The following PCP4 variants were observed in gnomAD, a reference collection of about 807,000 sequenced individuals.
PCP4 encodes Purkinje cell protein 4.
A neutral mutation model predicts 10.0 loss-of-function variants in PCP4; 8 were observed. The observed-to-expected ratio is 0.80, with a 90% CI of 0.47 to 1.45. PCP4 has a LOEUF of 1.45. Ranked by LOEUF, PCP4 falls within the 40% of genes most tolerant of loss-of-function variation. The pLI, the probability that PCP4 is intolerant of heterozygous loss-of-function variation, is 0.00. For synonymous variants in PCP4, 21 were observed against 23.0 expected (o/e 0.91, Z 0.24); for missense variants, 54 against 74.4 (o/e 0.73, Z 1.01).
chr21:39,881,575 C>T (rs1025954116), intron 1 of PCP4, among the ~76,000 whole-genome samples: 6 of 152,156 alleles, frequency 3.9e-5, no homozygotes, highest in African/African-American at 1.2e-4. Context: ...ACAGCGGACA[C>T]GGGACTCTGA....
intron 1 of PCP4, among the ~76,000 whole-genome samples, chr21:39,880,449 G>T (rs1035700265): frequency 2.0e-5 from 3 of 152,030 alleles, no homozygotes; most frequent in Admixed American, 6.5e-5. Flanking sequence ...GTACATCTGT[G>T]TGTGCGTGTG....
At chr21:39,905,399 A>C (rs1039483281) in intron 2 of PCP4, among the ~76,000 whole-genome samples, 3 of 152,248 alleles carry the variant, frequency 2.0e-5, no homozygotes, top group African/African-American at 4.8e-5. Flanking sequence ...AGATGGGGAA[A>C]AAATGACATT....
chr21:39,898,272 G>A (rs2087466904), intron 1 of PCP4: 2 of 622,278 alleles, frequency 3.2e-6, no homozygotes, highest in African/African-American at 3.7e-5. Context: ...GGATGTGGAT[G>A]AGGGGGCCGG....
intron 1 of PCP4, among the ~76,000 whole-genome samples, chr21:39,872,221 ACTC>A (rs1269622999): frequency 6.6e-6 from 1 of 152,070 alleles, no homozygotes; most frequent in Admixed American, 6.5e-5. Context: ...CTGGTCTCGA[ACTC>A]CTGACCTCAG....
chr21:39,927,373 T>TATCTATCTATCTATC (rs2087630045), intron 2 of PCP4, among the ~76,000 whole-genome samples: 1 of 11,372 alleles, frequency 8.8e-5, no homozygotes, highest in Non-Finnish European at 2.3e-4. Flanking sequence ...ATCTATCATC[T>TATCTATCTATCTATC]ATCTATCTAT....
chr21:39,911,532 C>T (rs2087539982), intron 2 of PCP4, among the ~76,000 whole-genome samples: 1 of 152,178 alleles, frequency 6.6e-6, no homozygotes, highest in African/African-American at 2.4e-5. Flanking sequence ...TGACTGCGAT[C>T]TTTCAGGCAG....
At chr21:39,901,192 G>A (rs1210795085) in intron 2 of PCP4, among the ~76,000 whole-genome samples, 2 of 152,162 alleles carry the variant, frequency 1.3e-5, no homozygotes, top group East Asian at 3.9e-4. Context: ...AGATTTAAAA[G>A]AGCAAATAAT....
chr21:39,920,451 G>A (rs1235247824), intron 2 of PCP4, among the ~76,000 whole-genome samples: 2 of 151,240 alleles, frequency 1.3e-5, no homozygotes, highest in East Asian at 1.9e-4. Flanking sequence ...TGGATGTGTC[G>A]GTCTGTTGTG....
intron 2 of PCP4, among the ~76,000 whole-genome samples, chr21:39,905,019 G>A (rs1222854619): frequency 2.6e-5 from 4 of 152,180 alleles, no homozygotes; most frequent in African/African-American, 4.8e-5. Flanking sequence ...TAATGTCTAA[G>A]GTGTGCAACA....
In PCP4 at chr21:39,906,809, G is replaced by A. The variant is rs1401594554; in HGVS notation, c.61+8282G>A. 6.6e-6 allele frequency among the ~76,000 whole-genome samples: 1 copy of A among 152,178 alleles called. No homozygotes were observed. The highest frequency in any genetic ancestry group is 1.5e-5 in the Non-Finnish European group (1 of 68,038). ...CAAGATCTTGGCCATGAAGCAGCTT[G>A]AACCAGGAAAATGTGCATCCCTCTA... On this transcript the variant is annotated intron_variant, in intron 2 of 2. Transcript: ENST00000328619. The surrounding 1 kb of genome is among the most constrained non-coding windows in gnomAD (Gnocchi z 6.3).
intron 1 of PCP4, among the ~76,000 whole-genome samples, chr21:39,893,657 T>C (rs2087443932): frequency 6.6e-6 from 1 of 152,150 alleles, no homozygotes; most frequent in African/African-American, 2.4e-5. Flanking sequence ...GAACCTTAGA[T>C]GGGTATGTAG....
chr21:39,887,245 G>A (rs905968350), intron 1 of PCP4, among the ~76,000 whole-genome samples: 3 of 152,110 alleles, frequency 2.0e-5, no homozygotes, highest in Non-Finnish European at 4.4e-5. Context: ...TTCAGCCTTT[G>A]GGTCTTCCAG....
chr21:39,914,899 C>T (rs1038065531), intron 2 of PCP4, among the ~76,000 whole-genome samples: 13 of 152,068 alleles, frequency 8.5e-5, no homozygotes, highest in African/African-American at 2.4e-4. Flanking sequence ...GAGAGTCAGT[C>T]GATACCTGGT....
At chr21:39,925,924 T>C (rs1413827778) in intron 2 of PCP4, 2 of 413,316 alleles carry the variant, frequency 4.8e-6, no homozygotes, top group East Asian at 1.5e-4. Context: ...TCTCCTCCCC[T>C]ACCTTTGTGC....
intron 2 of PCP4, among the ~76,000 whole-genome samples, chr21:39,913,757 C>G (rs1007052753): frequency 3.3e-5 from 5 of 152,168 alleles, no homozygotes; most frequent in African/African-American, 1.2e-4. Context: ...TCACAGACCC[C>G]CTTTGGAGTT....
At chr21:39,889,479 C>A (rs1051445665) in intron 1 of PCP4, among the ~76,000 whole-genome samples, 1 of 143,340 alleles carries the variant, frequency 7.0e-6, no homozygotes, top group African/African-American at 2.6e-5. Flanking sequence ...TACCGTGGCA[C>A]GATCTCGGCT....
chr21:39,885,130 C>T (rs2087393812), intron 1 of PCP4, among the ~76,000 whole-genome samples: 1 of 152,228 alleles, frequency 6.6e-6, no homozygotes, highest in African/African-American at 2.4e-5. Context: ...GCCAGGATCT[C>T]TGACTGCAGG....
intron 1 of PCP4, among the ~76,000 whole-genome samples, chr21:39,870,769 A>G (rs1031241435): frequency 1.1e-4 from 17 of 152,200 alleles, no homozygotes; most frequent in African/African-American, 4.1e-4. Context: ...TAATCAAATG[A>G]CAGCTATTAA....
intron 1 of PCP4, among the ~76,000 whole-genome samples, chr21:39,891,169 A>G (rs903598063): frequency 2.1e-4 from 32 of 152,230 alleles, no homozygotes; most frequent in East Asian, 1.3e-3. Flanking sequence ...GTGATTTTGC[A>G]ACTTAGTGAA....
Sources: allele counts gnomAD v4.1 joint callset (sites outside exome capture counted in the v4.1 genomes callset), GRCh38; gene constraint gnomAD v4.1.1; non-coding constraint Gnocchi (gnomAD v3.1); transcripts MANE v1.5; gene names NCBI Gene and HGNC (gene_info 2026-07-23, HGNC 2026-07-21).